The following NDUFAB1 variants were observed in gnomAD, a reference collection of about 807,000 sequenced individuals.
NDUFAB1 encodes the protein acyl carrier protein, mitochondrial.
Under a neutral mutation model 16.1 loss-of-function variants are expected in NDUFAB1, and 5 were observed. That is an observed-to-expected ratio of 0.31 (90% confidence interval 0.16 to 0.65). NDUFAB1 has a LOEUF of 0.65. Ranked by LOEUF, NDUFAB1 falls within the 30% of genes least tolerant of loss-of-function variation. The probability of loss-of-function intolerance (pLI) is 0.77; values close to 1 mark genes in which losing one functional copy is unlikely to be tolerated. For synonymous variants in NDUFAB1, 85 were observed against 78.4 expected, an observed-to-expected ratio of 1.08 and a Z score of -0.44; for missense variants, 187 against 205.3, an observed-to-expected ratio of 0.91 and a Z score of 0.54.
intron 4 of NDUFAB1, among the ~76,000 whole-genome samples, chr16:23,581,672 TGA>T: frequency 6.6e-6 from 1 of 152,234 alleles, no homozygotes; most frequent in East Asian, 1.9e-4. Context: ...TACTATTTAC[TGA>T]GAGGCTTCTT....
intron 1 of NDUFAB1, 73 bp downstream of exon 1, chr16:23,596,050 A>C: frequency 6.6e-7 from 1 of 1,511,548 alleles, no homozygotes; most frequent in Non-Finnish European, 8.8e-7. Context: ...CGCGCCCCGG[A>C]TGCCCGGCCC....
At chr16:23,581,919 G>GACTT (rs1371400063) in intron 4 of NDUFAB1, 1 of 156,858 alleles carries the variant, frequency 6.4e-6, no homozygotes, top group African/African-American at 2.4e-5. Context: ...GCCTACTTAA[G>GACTT]AGCCAGGTCA....
chr16:23,587,347 G>A (rs1237476659), intron 1 of NDUFAB1, 28 bp from the exon 2 acceptor site: 1 of 1,610,042 alleles, frequency 6.2e-7, no homozygotes, highest in Non-Finnish European at 8.5e-7. Flanking sequence ...AGGAAACACT[G>A]TCATTGAATG....
chr16:23,588,109 G>A (rs1411106842), intron 1 of NDUFAB1, among the ~76,000 whole-genome samples: 1 of 152,194 alleles, frequency 6.6e-6, no homozygotes, highest in East Asian at 1.9e-4. Flanking sequence ...AAGGTACGAC[G>A]CAGAATCAGA....
intron 1 of NDUFAB1, among the ~76,000 whole-genome samples, chr16:23,589,841 T>G (rs1966263312): frequency 1.4e-5 from 2 of 145,788 alleles, no homozygotes; most frequent in Non-Finnish European, 3.0e-5. Context: ...GAGGCTGAAG[T>G]GGGAGGATCA....
At chr16:23,583,119 C>T (rs1240204343) in intron 3 of NDUFAB1, among the ~76,000 whole-genome samples, 1 of 152,276 alleles carries the variant, frequency 6.6e-6, no homozygotes, top group Non-Finnish European at 1.5e-5. Flanking sequence ...TCACTCAGTG[C>T]ACAATGTTGC....
intron 1 of NDUFAB1, among the ~76,000 whole-genome samples, 197 bp downstream of exon 1, chr16:23,595,926 T>C (rs897369530): frequency 1.3e-5 from 2 of 152,232 alleles, no homozygotes; most frequent in African/African-American, 4.8e-5. Context: ...TCAGTGCTCT[T>C]GCTCGTTATT....
intron 2 of NDUFAB1, among the ~76,000 whole-genome samples, chr16:23,586,440 A>G (rs985054208): frequency 8.6e-5 from 13 of 151,746 alleles, no homozygotes; most frequent in East Asian, 5.9e-4. Context: ...GGTTCAAGCA[A>G]TTCTCTGCCT....
intron 1 of NDUFAB1, among the ~76,000 whole-genome samples, chr16:23,593,136 A>C (rs1321159952): frequency 6.6e-6 from 1 of 152,206 alleles, no homozygotes; most frequent in African/African-American, 2.4e-5. Context: ...CTCTAAAAAG[A>C]AGACAGACAT....
At chr16:23,594,091 C>CA (rs1172536164) in intron 1 of NDUFAB1, among the ~76,000 whole-genome samples, 1 of 151,690 alleles carries the variant, frequency 6.6e-6, no homozygotes, top group Non-Finnish European at 1.5e-5. Flanking sequence ...CCGTGTTAGC[C>CA]AGGATGGTCT....
At chr16:23,593,397 A>AG (rs1966295836) in intron 1 of NDUFAB1, among the ~76,000 whole-genome samples, 2 of 152,238 alleles carry the variant, frequency 1.3e-5, no homozygotes, top group African/African-American at 4.8e-5. Flanking sequence ...AGGGCTGCAA[A>AG]GCGTTCAATG....
intron 3 of NDUFAB1, among the ~76,000 whole-genome samples, chr16:23,582,789 CTCTCCCTCTCCCTCTTCCCACGG>C (rs1567406816): frequency 6.8e-6 from 1 of 147,328 alleles, no homozygotes; most frequent in African/African-American, 2.5e-5. Flanking sequence ...CAAGGTCTCC[CTCTCCCTCTCCCTCTTCCCACGG>C]TCTCCCTCTC....
chr16:23,590,168 G>C (rs748407039), intron 1 of NDUFAB1, among the ~76,000 whole-genome samples: 2 of 152,142 alleles, frequency 1.3e-5, no homozygotes, highest in Non-Finnish European at 2.9e-5. Flanking sequence ...AGCAGCTCCA[G>C]CAAGTACCTA....
At chr16:23,584,265 A>AAAAAAAAAAAAAAAAAAAAG (rs1567407406) in intron 3 of NDUFAB1, among the ~76,000 whole-genome samples, 1 of 134,364 alleles carries the variant, frequency 7.4e-6, no homozygotes, top group East Asian at 2.2e-4. Flanking sequence ...TAAAAAAAAA[A>AAAAAAAAAAAAAAAAAAAAG]AAAAAAAAAG....
At position 23,589,719 on chromosome 16, in the gene NDUFAB1, G is replaced by C. The variant is rs1966262196; in HGVS notation, c.169-2400C>G. 2.0e-5 allele frequency among the ~76,000 whole-genome samples: 3 copies of C among 151,328 alleles called. 1 individual carries two copies. In the South Asian group the frequency reaches 6.3e-4, roughly 32 times the overall value. ...GGAGGCCAAGGTGGGCGGATCTCTT[G>C]AGGTCAGGAGTTTAAGACCAGCCTG... is the stretch of plus-strand genomic sequence containing the variant. On this transcript the variant is annotated intron_variant, in intron 1 of 4. Coordinates refer to ENST00000007516, the MANE Select transcript of NDUFAB1 (RefSeq NM_005003.3).
At chr16:23,589,435 C>T (rs1259871148) in intron 1 of NDUFAB1, among the ~76,000 whole-genome samples, 1 of 152,106 alleles carries the variant, frequency 6.6e-6, no homozygotes, top group Non-Finnish European at 1.5e-5. Context: ...GTCTAGTCTC[C>T]TTTCGTATTA....
chr16:23,591,206 G>C (rs565140899), intron 1 of NDUFAB1: 1 of 151,928 alleles, frequency 6.6e-6, no homozygotes, highest in South Asian at 2.1e-4. Context: ...CTCCCCAACA[G>C]CCAACATGTG....
rs144678819 is a variant in NDUFAB1, at chr16:23,585,382, G to C, written c.333C>G (p.Asp111Glu). 4.3e-6 allele frequency: 7 copies of C among 1,613,864 alleles called. No homozygotes were observed. Among genetic ancestry groups the C allele is most frequent in the Non-Finnish European group, 5.9e-6 (7 of 1,179,898 alleles). Residue 111 changes from aspartate (D) to glutamate (E), a missense_variant, in exon 3 of 5, where the codon GAC (aspartate) becomes GAG (glutamate). This residue lies in a region of NDUFAB1 where 20 missense variants were observed against 47.1 expected (regional missense o/e 0.42). Transcript: ENST00000007516. ...NSHFMKDLGL[D>E]SLDQVEIIMA... is the part of the protein sequence containing the mutation. ...TGATAATCTCCACTTGGTCCAAACT[G>C]TCTAAGCCCAGGTCTTTCATAAAAT...
At chr16:23,595,738 T>C in intron 1 of NDUFAB1, 1 of 459,514 alleles carries the variant, frequency 2.2e-6, no homozygotes, top group Admixed American at 2.8e-5. Context: ...TTCACTACAA[T>C]ACGGTGACCG....
Sources: gnomAD v4.1 joint callset for allele counts (sites outside exome capture counted in the v4.1 genomes callset) on GRCh38, gnomAD v4.1.1 for gene constraint, gnomAD v4.1.1 regional missense constraint, MANE v1.5 for transcripts, NCBI Gene and HGNC (gene_info 2026-07-23, HGNC 2026-07-21) for gene names.